The following PHF24 variants were observed in gnomAD, a reference collection of about 807,000 sequenced individuals.
The protein encoded by PHF24 is PHD finger protein 24.
PHF24 carries 25 observed loss-of-function variants against 42.6 expected under a neutral mutation model. The observed-to-expected ratio is 0.59, with a 90% CI of 0.43 to 0.82. The LOEUF (loss-of-function observed/expected upper bound fraction) is 0.82. Ranked by LOEUF, PHF24 falls within the 40% of genes least tolerant of loss-of-function variation. The pLI is 0.00. For missense variants in PHF24, 470 were observed against 538.1 expected (o/e 0.87, Z 1.25); for synonymous variants, 185 against 204.8 (o/e 0.90, Z 0.83).
At chr9:34,759,891 C>T in the PHF24 span, among the ~76,000 whole-genome samples, 4 of 152,162 alleles carry the variant, frequency 2.6e-5, no homozygotes, top group Admixed American at 6.5e-5. Context: ...TGTCTTTTTG[C>T]AGGGTAGGCC....
chr9:34,738,672 C>T, the PHF24 span, among the ~76,000 whole-genome samples: 2 of 152,146 alleles, frequency 1.3e-5, no homozygotes, highest in Non-Finnish European at 2.9e-5. Context: ...TAAGGATGGA[C>T]ATGGGACCCA....
the PHF24 span, among the ~76,000 whole-genome samples, chr9:34,768,459 C>T: frequency 2.6e-5 from 4 of 152,120 alleles, no homozygotes; most frequent in Non-Finnish European, 5.9e-5. Flanking sequence ...TTACTTTTAC[C>T]ACTTTTTTTG....
the PHF24 span, among the ~76,000 whole-genome samples, chr9:34,818,656 G>A: frequency 6.6e-6 from 1 of 152,016 alleles, no homozygotes; most frequent in Non-Finnish European, 1.5e-5. Flanking sequence ...GCCTCTTTTA[G>A]CATTAAAACA....
chr9:34,670,624 G>T, the PHF24 span, among the ~76,000 whole-genome samples: 1 of 152,288 alleles, frequency 6.6e-6, no homozygotes, highest in South Asian at 2.1e-4. Flanking sequence ...GGGGAGGAGA[G>T]TTTGCACTAT....
At chr9:34,754,519 C>A in the PHF24 span, among the ~76,000 whole-genome samples, 1 of 151,972 alleles carries the variant, frequency 6.6e-6, no homozygotes, top group Non-Finnish European at 1.5e-5. Flanking sequence ...CGTCTTGCCC[C>A]AGTTAAAATA....
the PHF24 span, among the ~76,000 whole-genome samples, chr9:34,907,015 AG>A: frequency 6.6e-6 from 1 of 152,230 alleles, no homozygotes; most frequent in East Asian, 1.9e-4. Flanking sequence ...TCATAGAGAC[AG>A]GTTGTCTACT....
the PHF24 span, among the ~76,000 whole-genome samples, chr9:34,906,736 G>A: frequency 4.0e-5 from 6 of 151,700 alleles, no homozygotes; most frequent in Admixed American, 3.9e-4. Context: ...TGCAGGGAGG[G>A]ACTCTCTTGG....
At chr9:34,878,346 G>A in the PHF24 span, among the ~76,000 whole-genome samples, 511 of 152,254 alleles carry the variant, frequency 3.4e-3, 4 homozygotes, top group Admixed American at 2.6e-3. Context: ...CTGAGGTACC[G>A]GGTTCATCTC....
chr9:34,723,417 C>G, the PHF24 span: 1 of 1,551,628 alleles, frequency 6.4e-7, no homozygotes, highest in Non-Finnish European at 8.7e-7. Context: ...CGAGATTGGG[C>G]CTTGGAGCAC....
chr9:34,923,307 G>C, the PHF24 span, among the ~76,000 whole-genome samples: 1 of 152,026 alleles, frequency 6.6e-6, no homozygotes, highest in Admixed American at 6.6e-5. Flanking sequence ...AGACATATTG[G>C]CCTGTAGTTT....
chr9:34,723,874 T>C, the PHF24 span: 1 of 1,551,628 alleles, frequency 6.4e-7, no homozygotes, highest in Non-Finnish European at 8.7e-7. Flanking sequence ...GAGGTAGCTG[T>C]GGGAGCTTAA....
At chr9:34,667,025 A>G in the PHF24 span, among the ~76,000 whole-genome samples, 1 of 152,188 alleles carries the variant, frequency 6.6e-6, no homozygotes, top group Non-Finnish European at 1.5e-5. Flanking sequence ...AGCTGGGAGG[A>G]TCAAAAGAGA....
At chr9:34,676,398 C>T in the PHF24 span, among the ~76,000 whole-genome samples, 1 of 152,158 alleles carries the variant, frequency 6.6e-6, no homozygotes, top group African/African-American at 2.4e-5. Flanking sequence ...GTGGCGGGCC[C>T]CTGTAGTCCC....
the PHF24 span, among the ~76,000 whole-genome samples, chr9:34,911,066 T>C: frequency 6.6e-6 from 1 of 152,134 alleles, no homozygotes; most frequent in Admixed American, 6.5e-5. Flanking sequence ...TCAACTGATC[T>C]TCCCACCTTG....
chr9:34,698,593 G>T, the PHF24 span, among the ~76,000 whole-genome samples: 2 of 152,118 alleles, frequency 1.3e-5, no homozygotes, highest in Non-Finnish European at 2.9e-5. Context: ...TGGTTCTCCT[G>T]CCTCAGCCTC....
At chr9:34,770,853 C>CCTA in the PHF24 span, among the ~76,000 whole-genome samples, 2 of 152,044 alleles carry the variant, frequency 1.3e-5, no homozygotes, top group African/African-American at 4.8e-5. Context: ...GTGGCTCATA[C>CCTA]CTATAATCCC....
At chr9:34,972,231 C>T (rs1827018037) in intron 2 of PHF24, 115 bp from the exon 3 acceptor site, 1 of 937,512 alleles carries the variant, frequency 1.1e-6, no homozygotes, top group African/African-American at 1.7e-5. Context: ...GGGGCTGTTC[C>T]TCTAGGCTAA....
At chr9:34,799,552 T>C in the PHF24 span, among the ~76,000 whole-genome samples, 1 of 152,216 alleles carries the variant, frequency 6.6e-6, no homozygotes, top group Non-Finnish European at 1.5e-5. Context: ...CTGCATACTT[T>C]GATACCTTTG....
At chr9:34,735,298 G>A in the PHF24 span, among the ~76,000 whole-genome samples, 1 of 151,174 alleles carries the variant, frequency 6.6e-6, no homozygotes, top group African/African-American at 2.4e-5. Context: ...ACTATGCCCA[G>A]CTAATTTGTT....
Sources: gnomAD v4.1 joint callset for allele counts (sites outside exome capture counted in the v4.1 genomes callset) on GRCh38, gnomAD v4.1.1 for gene constraint, MANE v1.5 for transcripts, NCBI Gene and HGNC (gene_info 2026-07-23, HGNC 2026-07-21) for gene names.